The following KDM6B variants were observed in gnomAD, a reference collection of about 807,000 sequenced individuals.
KDM6B encodes the protein lysine-specific demethylase 6B.
Under a neutral mutation model 150.4 loss-of-function variants are expected in KDM6B, and 22 were observed. That is an observed-to-expected ratio of 0.15 (90% confidence interval 0.10 to 0.21). The LOEUF is 0.21. KDM6B is among the 10% of genes least tolerant of loss of function. The probability of loss-of-function intolerance (pLI) is 1.00; values close to 1 mark genes in which losing one functional copy is unlikely to be tolerated. For synonymous variants in KDM6B, 1,148 were observed against 921.1 expected (o/e 1.25, Z -4.46); for missense variants, 1,984 against 2,234.3 (o/e 0.89, Z 2.26).
chr17:7,851,929 C>T (rs1171131658), intron 18 of KDM6B, 22 bp from the exon 19 acceptor site: 13 of 1,610,926 alleles, frequency 8.1e-6, no homozygotes, highest in South Asian at 1.1e-5. Context: ...CCAGCCATGC[C>T]GTTCTCTGTC....
At chr17:7,834,882 C>G (rs1336704719) in intron 1 of KDM6B, among the ~76,000 whole-genome samples, 2 of 152,230 alleles carry the variant, frequency 1.3e-5, no homozygotes. Flanking sequence ...CCACCACCCC[C>G]CTGCGCCTCC....
Position 7,849,614 on chromosome 17 carries a change from A to G in KDM6B, c.3326A>G (p.Lys1109Arg), listed in dbSNP as rs2078649869. Residue 1109 changes from lysine to arginine, a missense_variant, in exon 12 of 24, where the codon AAG becomes AGG. Coordinates refer to ENST00000448097, the MANE Select transcript of KDM6B (RefSeq NM_001348716.2). ...PPKELKIRLI[K>R]VESGDKETFI... The stretch of plus-strand genomic sequence containing the variant: ...AAGGAGCTGAAGATCCGGCTCATCA[A>G]GGTAGAGAGTGGTGACAAGGAGACC... 1 of 1,612,014 alleles carries G rather than the reference A, an allele frequency of 6.2e-7. No homozygotes were observed.
Position 7,851,526 on chromosome 17 carries a change from C to T in KDM6B, c.3993C>T (p.Asn1331=), listed in dbSNP as rs373357180. The change falls in exon 17 of 24, where the codon AAC becomes AAT. Residue 1331 remains asparagine, a synonymous_variant. Coordinates refer to ENST00000448097, the MANE Select transcript of KDM6B (RefSeq NM_001348716.2). ...ATCACATCATCAAGTTTGGCACCAA[C>T]ATCGACTTGTCTGATGCTAAGCGGT... ...KNHHIIKFGT[N]IDLSDAKRWK... 3 of 1,614,038 alleles carry T rather than the reference C, an allele frequency of 1.9e-6. No individual in the cohort carries two copies. The highest frequency in any genetic ancestry group is 1.1e-5 in the South Asian group (1 of 91,074).
In KDM6B at chr17:7,851,486, C is replaced by G; in HGVS notation, c.3953C>G (p.Pro1318Arg). ...GCTCTTCGCCCCAGCAGCAGCGCACCAGACCCGAAGAACCATCACATCATC... is the reference window on the plus strand; with the variant it reads ...GCTCTTCGCCCCAGCAGCAGCGCACGAGACCCGAAGAACCATCACATCATC... ...STTGTPPSSA[P>R]DPKNHHIIKF... Residue 1318 changes from proline (P) to arginine (R), a missense_variant, in exon 17 of 24, where the codon CCA (proline) becomes CGA (arginine). Transcript: ENST00000448097. 6.2e-7 allele frequency: 1 copy of G among 1,614,198 alleles called. No homozygotes were observed. Among genetic ancestry groups the G allele is most frequent in the Non-Finnish European group, 8.5e-7 (1 of 1,180,040 alleles).
chr17:7,846,537 C>T (rs1442725239), intron 8 of KDM6B, 42 bp from the exon 9 acceptor site: 1 of 1,614,058 alleles, frequency 6.2e-7, no homozygotes, highest in Non-Finnish European at 8.5e-7. Flanking sequence ...CCAGGCTGTG[C>T]CTGCACCCGT....
At position 7,850,129 on chromosome 17, in the gene KDM6B, C is replaced by G. The variant is rs905899569; in HGVS notation, c.3625C>G (p.Arg1209Gly). Reference protein sequence around the residue: ...PVLLQFCTDPRNPITVIRGLA... With the variant: ...PVLLQFCTDPGNPITVIRGLA... ...CCTGCTGCAGTTCTGTACAGACCCT[C>G]GAAATCCCATCACAGTGATCCGGGG... is the stretch of plus-strand genomic sequence containing the variant. Residue 1209 changes from arginine (R) to glycine (G), a missense_variant, in exon 14 of 24, where the codon CGA becomes GGA. By Grantham distance (125) the Arg-to-Gly change is moderately radical (BLOSUM62 -2). Around this residue, in one of 13 missense-constraint regions of KDM6B, gnomAD observed 15 missense variants for 48.7 expected, o/e 0.31. Transcript: ENST00000448097. 3.7e-6 allele frequency: 6 copies of G among 1,613,854 alleles called. No homozygotes were observed. The highest frequency in any genetic ancestry group is 5.1e-6 in the Non-Finnish European group (6 of 1,180,016).
In KDM6B at chr17:7,853,009, G is replaced by C; in HGVS notation, c.4620G>C (p.Leu1540=). The part of the protein sequence containing the change: ...PDLFKMIKFC[L]LQSMKHCQVQ... ...CCCCACTGCTCCCCAGGTTCTGCCT[G>C]CTGCAGTCCATGAAGCACTGCCAGG... The change falls in exon 22 of 24, where the codon CTG becomes CTC. Residue 1540 remains leucine (L), a synonymous_variant. Transcript: ENST00000448097. The C allele has an allele frequency of 3.7e-6, 6 of 1,613,982 alleles. No homozygotes were observed. Among genetic ancestry groups the C allele is most frequent in the Non-Finnish European group, 5.1e-6 (6 of 1,180,016 alleles).
At position 7,851,941 on chromosome 17, in the gene KDM6B, A is replaced by C. The variant is rs576095002; in HGVS notation, c.4166-10A>C. 2 of 1,612,822 alleles carry C rather than the reference A, an allele frequency of 1.2e-6. No individual in the cohort carries two copies. The highest frequency in any genetic ancestry group is 2.7e-5 in the African/African-American group (2 of 74,976). ...TGGCCAGCCATGCCGTTCTCTGTCG[A>C]CCCCTGCAGGCCACCAGGAGAATAA... On this transcript the variant is annotated splice_polypyrimidine_tract_variant and intron_variant, in intron 18 of 23. Transcript: ENST00000448097.
In KDM6B at chr17:7,850,883, AT is replaced by A. The variant is rs969522987; in HGVS notation, c.3674-135del. 1.3e-5 allele frequency: 10 copies of A among 790,332 alleles called. No homozygotes were observed. The African/African-American group carries it at 1.5e-4, about 12-fold the overall frequency. The allele number at this position is 790,332 out of a possible 1,614,324, so 49.0% of individuals were successfully genotyped here. On this transcript the variant is annotated intron_variant, in intron 14 of 23. Transcript: ENST00000448097. ...TCCTGTGGGGCTAGGGCTCCTGCCT[AT>A]TTCTTCTGGGCTGAGCTCTGCTAAA...
Position 7,846,726 on chromosome 17 carries a change from T to C in KDM6B, c.697T>C (p.Cys233Arg). The C allele has an allele frequency of 6.2e-7, 1 of 1,614,070 alleles. No homozygotes were observed. The highest frequency in any genetic ancestry group is 2.2e-5 in the East Asian group (1 of 44,870). The change falls in exon 9 of 24, where the codon TGC becomes CGC. Residue 233 changes from cysteine to arginine, a missense_variant. Around this residue, in one of 13 missense-constraint regions of KDM6B, gnomAD observed 337 missense variants for 323.9 expected, o/e 1.04. Transcript: ENST00000448097. ...CCCTGGAGGCAAGCGAAGGAGAGGC[T>C]GCAACTCTGAACAGGTGTGGGTATA... is the stretch of plus-strand genomic sequence containing the variant. ...LSPGGKRRRG[C>R]NSEQTGLPPG... is the part of the protein sequence containing the mutation.
At position 7,844,850 on chromosome 17, in the gene KDM6B, T is replaced by G. The variant is rs1303873663; in HGVS notation, c.-268-51T>G. Reference sequence around the variant, plus strand: ...GTCTGACCGGCTCCCGCGCCCCTCCTCCCCCGGCCACCGCTGCCGGGCTCA... The same window carrying G: ...GTCTGACCGGCTCCCGCGCCCCTCCGCCCCCGGCCACCGCTGCCGGGCTCA... On this transcript the variant is annotated intron_variant, in intron 2 of 23. Coordinates refer to ENST00000448097, the MANE Select transcript of KDM6B (RefSeq NM_001348716.2). The surrounding 1 kb of genome is among the most constrained non-coding windows in gnomAD (Gnocchi z 5.9). 6.3e-6 allele frequency: 1 copy of G among 157,536 alleles called. No homozygotes were observed. Among genetic ancestry groups the G allele is most frequent in the African/African-American group, 2.4e-5 (1 of 41,340 alleles). The allele number at this position is 157,536 out of a possible 1,614,324, so 9.8% of individuals were successfully genotyped here.
chr17:7,850,135 C>A lies in KDM6B; in HGVS notation c.3631C>A (p.Pro1211Thr). The A allele has an allele frequency of 6.2e-7, 1 of 1,613,838 alleles. No individual in the cohort carries two copies. The highest frequency in any genetic ancestry group is 8.5e-7 in the Non-Finnish European group (1 of 1,180,012). The change falls in exon 14 of 24, where the codon CCC becomes ACC. Residue 1211 changes from proline to threonine, a missense_variant. Physicochemically the swap from Pro to Thr is conservative, Grantham distance 38 (BLOSUM62 -1). This residue lies in a region of KDM6B where 15 missense variants were observed against 48.7 expected (regional missense o/e 0.31). Transcript: ENST00000448097. ...LLQFCTDPRNPITVIRGLAGS... is the reference protein window; with the variant it reads ...LLQFCTDPRNTITVIRGLAGS... ...GCAGTTCTGTACAGACCCTCGAAAT[C>A]CCATCACAGTGATCCGGGGCCTGGC...
rs199566508 is a variant in KDM6B at position 7,847,598 on chromosome 17, G to A, written c.1310G>A (p.Arg437His). 3 of 1,612,520 alleles carry A rather than the reference G, an allele frequency of 1.9e-6. No individual in the cohort carries two copies. Among genetic ancestry groups the A allele is most frequent in the African/African-American group, 1.3e-5 (1 of 74,766 alleles). Residue 437 changes from arginine (R) to histidine (H), a missense_variant, in exon 12 of 24, where the codon CGC becomes CAC. Coordinates refer to ENST00000448097, the MANE Select transcript of KDM6B (RefSeq NM_001348716.2). ...GCGCTGGAGGTCTCTCACCATGGCC[G>A]CCTGGGGCCCTCGGCACACAGCAGT... ...TPALEVSHHG[R>H]LGPSAHSSRK...
Position 7,848,714 on chromosome 17 carries a change from C to A in KDM6B, c.2426C>A (p.Ser809Tyr). Residue 809 changes from serine to tyrosine, a missense_variant, in exon 12 of 24, where the codon TCC (serine) becomes TAC (tyrosine). Physicochemically the swap from Ser to Tyr is moderately radical, Grantham distance 144. Around this residue, in one of 13 missense-constraint regions of KDM6B, gnomAD observed 1,379 missense variants for 1,275.6 expected, o/e 1.08. Coordinates refer to ENST00000448097, the MANE Select transcript of KDM6B (RefSeq NM_001348716.2). ...GCCAGCCTGCTCAAATCCTTGGCCT[C>A]CGTGCTGGAGGGACAAAAGTACTGT... ...SPASLLKSLASVLEGQKYCYR... is the reference protein window; with the variant it reads ...SPASLLKSLAYVLEGQKYCYR... The A allele has an allele frequency of 2.5e-6, 4 of 1,612,982 alleles. No homozygotes were observed. Among genetic ancestry groups the A allele is most frequent in the South Asian group, 1.1e-5 (1 of 91,082 alleles).
chr17:7,842,567 C>G (rs2078439480), intron 2 of KDM6B, among the ~76,000 whole-genome samples: 1 of 152,070 alleles, frequency 6.6e-6, no homozygotes, highest in South Asian at 2.1e-4. Context: ...TGCCCCAGAG[C>G]GAGAGTGGAG....
rs372202287 is a variant in KDM6B, at chr17:7,847,674, A to T, written c.1386A>T (p.Pro462=). 1.1e-5 allele frequency: 17 copies of T among 1,597,862 alleles called. No homozygotes were observed. The highest frequency in any genetic ancestry group is 1.4e-5 in the Non-Finnish European group (17 of 1,172,852). The change falls in exon 12 of 24, where the codon CCA becomes CCT. Residue 462 remains proline (P), a synonymous_variant. Transcript: ENST00000448097. ...CTGCCACTCCCCACCTATCCCTGCC[A>T]CCTGGACCTTCCTCACCCCCTCCAC... ...APAATPHLSL[P]PGPSSPPPPP... is the part of the protein sequence containing the mutation.
Position 7,848,296 on chromosome 17 carries a change from C to G in KDM6B, c.2008C>G (p.Leu670Val), listed in dbSNP as rs2078608110. The change falls in exon 12 of 24, where the codon CTC becomes GTC. Residue 670 changes from leucine (L) to valine (V), a missense_variant. Physicochemically the swap from Leu to Val is conservative, Grantham distance 32. Around this residue, in one of 13 missense-constraint regions of KDM6B, gnomAD observed 1,379 missense variants for 1,275.6 expected, o/e 1.08. Transcript: ENST00000448097. ...GGAGCTGCCTGCCCGAGGCCCTCGA[C>G]TCTTTGATTTTCCCCCCACTCCGCT... is the stretch of plus-strand genomic sequence containing the variant. ...VGELPARGPR[L>V]FDFPPTPLED... 6.2e-7 allele frequency: 1 copy of G among 1,612,534 alleles called. No homozygotes were observed. The highest frequency in any genetic ancestry group is 8.5e-7 in the Non-Finnish European group (1 of 1,179,846).
chr17:7,852,959 C>T lies in KDM6B; in HGVS notation c.4611-41C>T, dbSNP rs530524701. On this transcript the variant is annotated intron_variant, in intron 21 of 23. Transcript: ENST00000448097. ...TTGCTCCAGCCCTGCCTCAGGCCTC[C>T]TCCTTGCCGGTGGTCTCAACACAAC... 7.1e-5 allele frequency: 115 copies of T among 1,613,146 alleles called. 2 individuals are homozygous for T. In the South Asian group the frequency reaches 1.2e-3, roughly 17 times the overall value.
At chr17:7,852,421 G>A in intron 20 of KDM6B, 74 bp from the exon 21 acceptor site, 1 of 1,289,588 alleles carries the variant, frequency 7.8e-7, no homozygotes, top group Non-Finnish European at 1.1e-6. Context: ...GCCGCCAGCA[G>A]TGAGGGAAGG....
Sources: allele counts gnomAD v4.1 joint callset (sites outside exome capture counted in the v4.1 genomes callset), GRCh38; gene constraint gnomAD v4.1.1; regional missense constraint gnomAD v4.1.1; non-coding constraint Gnocchi (gnomAD v3.1); transcripts MANE v1.5; gene names NCBI Gene and HGNC (gene_info 2026-07-23, HGNC 2026-07-21).